Variants in ADAM23 observed in about 807,000 individuals in gnomAD.
ADAM23 encodes the protein disintegrin and metalloproteinase domain-containing protein 23.
ADAM23 carries 33 observed loss-of-function variants against 120.1 expected under a neutral mutation model. The observed-to-expected ratio is 0.27, with a 90% CI of 0.21 to 0.37. ADAM23 has a LOEUF of 0.37. Ranked by LOEUF, ADAM23 falls within the 10% of genes least tolerant of loss-of-function variation. The pLI is 1.00. For synonymous variants in ADAM23, 367 were observed against 375.2 expected, an observed-to-expected ratio of 0.98 and a Z score of 0.25; for missense variants, 862 against 1,058.2, an observed-to-expected ratio of 0.81 and a Z score of 2.57.
chr2:206,576,162 G>GT (rs1698108317), intron 18 of ADAM23, among the ~76,000 whole-genome samples: 1 of 152,058 alleles, frequency 6.6e-6, no homozygotes, highest in South Asian at 2.1e-4. Context: ...TATGAGAATT[G>GT]TAGGTTCTGT....
rs1202711793 is a variant in ADAM23 at position 206,543,157 on chromosome 2, T to C, written c.657-96T>C. 2.8e-6 allele frequency: 3 copies of C among 1,072,736 alleles called. No individual in the cohort carries two copies. In the African/African-American group the frequency reaches 4.6e-5, roughly 17 times the overall value. 66.5% of individuals were successfully genotyped at this position (1,072,736 alleles called of 1,614,324 possible). A position where few individuals can be genotyped will look rare whatever the true frequency, so the allele number is the denominator to read the frequency against. On this transcript the variant is annotated intron_variant, in intron 5 of 25. Coordinates refer to ENST00000264377, the MANE Select transcript of ADAM23 (RefSeq NM_003812.4). ...TAAAGGGATTTGTTCAGTTATACTC[T>C]TTATTTTGAAGACACAATAATGAAG...
chr2:206,470,443 A>G (rs968630268), intron 2 of ADAM23, among the ~76,000 whole-genome samples: 6 of 152,198 alleles, frequency 3.9e-5, no homozygotes, highest in African/African-American at 1.4e-4. Context: ...TTGTGCAAAT[A>G]CAGGTTGAGT....
At chr2:206,515,355 G>T (rs1696708243) in intron 3 of ADAM23, among the ~76,000 whole-genome samples, 1 of 152,140 alleles carries the variant, frequency 6.6e-6, no homozygotes, top group African/African-American at 2.4e-5. Flanking sequence ...TTCCAGGGAA[G>T]GGCACGGGAT....
chr2:206,583,831 C>G (rs2105842205), intron 18 of ADAM23, among the ~76,000 whole-genome samples: 1 of 152,250 alleles, frequency 6.6e-6, no homozygotes, highest in African/African-American at 2.4e-5. Flanking sequence ...AGCTTTATAA[C>G]TAACCTCCTG....
intron 2 of ADAM23, among the ~76,000 whole-genome samples, chr2:206,474,454 G>C (rs1695733825): frequency 6.6e-6 from 1 of 151,998 alleles, no homozygotes; most frequent in African/African-American, 2.4e-5. Flanking sequence ...CTTTAGGGTG[G>C]GGTTGATTGA....
intron 4 of ADAM23, among the ~76,000 whole-genome samples, chr2:206,537,984 C>T (rs986455315): frequency 9.2e-5 from 14 of 152,104 alleles, no homozygotes; most frequent in South Asian, 2.1e-4. Flanking sequence ...TGGCAACATT[C>T]GGAGTACATT....
intron 3 of ADAM23, among the ~76,000 whole-genome samples, chr2:206,492,658 C>T (rs764257824): frequency 8.6e-5 from 13 of 152,034 alleles, no homozygotes; most frequent in Non-Finnish European, 1.5e-4. Context: ...ATGGAAGGGC[C>T]AGGCAATTCT....
At chr2:206,496,367 A>C (rs567557197) in intron 3 of ADAM23, among the ~76,000 whole-genome samples, 1 of 152,216 alleles carries the variant, frequency 6.6e-6, no homozygotes, top group Non-Finnish European at 1.5e-5. Context: ...CCGCTCAACT[A>C]CATGGAAACT....
chr2:206,539,803 A>G (rs1697254016), intron 4 of ADAM23, among the ~76,000 whole-genome samples: 1 of 152,220 alleles, frequency 6.6e-6, no homozygotes, highest in African/African-American at 2.4e-5. Context: ...GTGTTACCAA[A>G]TAATATTTTT....
intron 11 of ADAM23, 97 bp downstream of exon 11, chr2:206,560,215 C>A: frequency 7.7e-7 from 1 of 1,296,678 alleles, no homozygotes; most frequent in Non-Finnish European, 1.0e-6. Flanking sequence ...AAAATAGTGA[C>A]TTGAACAAGA....
chr2:206,531,585 AAG>A (rs369519980), intron 4 of ADAM23, among the ~76,000 whole-genome samples: 3 of 151,662 alleles, frequency 2.0e-5, no homozygotes, highest in African/African-American at 4.8e-5. Context: ...GGATTAAAGC[AAG>A]AGAGAGAGAG....
chr2:206,553,948 C>CA lies in ADAM23; in HGVS notation c.934-3478dup, dbSNP rs1697587501. ...TCTAATCTTATTTTTTTTCAAAAGA[C>CA]AGTTTTCTTAAGGATTGCATGTGTT... is the stretch of plus-strand genomic sequence containing the variant. On this transcript the variant is annotated intron_variant, in intron 9 of 25. Coordinates refer to ENST00000264377, the MANE Select transcript of ADAM23 (RefSeq NM_003812.4). 2.0e-5 allele frequency among the ~76,000 whole-genome samples: 3 copies of CA among 151,932 alleles called. No homozygotes were observed. The South Asian group carries it at 6.3e-4, about 32-fold the overall frequency.
rs187993918 is a variant in ADAM23 at position 206,578,451 on chromosome 2, G to T, written c.1737+5256G>T. On this transcript the variant is annotated intron_variant, in intron 18 of 25. Transcript: ENST00000264377. ...ATATCAGCGAGAACATATGATGCTTGGTTTTCCATTCCTGAGTGACATCAC... is the reference window on the plus strand; with the variant it reads ...ATATCAGCGAGAACATATGATGCTTTGTTTTCCATTCCTGAGTGACATCAC... Among the ~76,000 whole-genome samples, 315 of 151,728 alleles carry T rather than the reference G, an allele frequency of 2.1e-3. 3 individuals are homozygous for T. Among genetic ancestry groups the T allele is most frequent in the African/African-American group, 7.3e-3 (300 of 41,336 alleles).
At chr2:206,490,490 T>C (rs1696111196) in intron 3 of ADAM23, among the ~76,000 whole-genome samples, 1 of 152,202 alleles carries the variant, frequency 6.6e-6, no homozygotes, top group Non-Finnish European at 1.5e-5. Context: ...TTAGGTACTT[T>C]AGGATGATTG....
intron 24 of ADAM23, among the ~76,000 whole-genome samples, chr2:206,600,022 A>T (rs1239134880): frequency 3.9e-5 from 6 of 152,216 alleles, no homozygotes; most frequent in Non-Finnish European, 7.3e-5. Context: ...TAACACAGTG[A>T]AGCCTCGTCT....
intron 2 of ADAM23, among the ~76,000 whole-genome samples, chr2:206,473,205 T>C (rs1487820504): frequency 6.6e-6 from 1 of 152,224 alleles, no homozygotes; most frequent in African/African-American, 2.4e-5. Context: ...AGCATGTTTC[T>C]TAAGCATTTA....
rs562351531 is a variant in ADAM23 at position 206,472,913 on chromosome 2, G to A, written c.433-8319G>A. Among the ~76,000 whole-genome samples the A allele has an allele frequency of 2.0e-5, 3 of 152,302 alleles. No individual in the cohort carries two copies. In the East Asian group the frequency reaches 5.8e-4, roughly 29 times the overall value. On this transcript the variant is annotated intron_variant, in intron 2 of 25. Transcript: ENST00000264377. ...CTTTAAGTAGGAGATGTTCATCGTG[G>A]GTTGTGAGAAGAGTGTGCTTTGTTG...
chr2:206,541,557 T>A (rs547691611), intron 4 of ADAM23, among the ~76,000 whole-genome samples: 173 of 152,282 alleles, frequency 1.1e-3, no homozygotes, highest in African/African-American at 4.0e-3. Flanking sequence ...TGTGTTTTTT[T>A]AAAAATAAAA....
intron 25 of ADAM23, among the ~76,000 whole-genome samples, chr2:206,615,466 G>A (rs879712316): frequency 2.0e-5 from 3 of 152,172 alleles, no homozygotes; most frequent in Admixed American, 6.5e-5. Context: ...AATTCAGACC[G>A]TTCTCAACAT....
Sources: gnomAD v4.1 joint callset for allele counts (sites outside exome capture counted in the v4.1 genomes callset) on GRCh38, gnomAD v4.1.1 for gene constraint, MANE v1.5 for transcripts, NCBI Gene and HGNC (gene_info 2026-07-23, HGNC 2026-07-21) for gene names.